The following RASGRF2 variants were observed in gnomAD, a reference collection of about 807,000 sequenced individuals.
The protein encoded by RASGRF2 is Ras protein specific guanine nucleotide releasing factor 2.
In RASGRF2, 76 loss-of-function variants were observed where a neutral mutation model predicts 151.0. The observed-to-expected ratio is 0.50, with a 90% confidence interval of 0.42 to 0.61. The LOEUF (loss-of-function observed/expected upper bound fraction) is 0.61. Among genes scored for constraint, RASGRF2 ranks in the 20% least tolerant of loss-of-function variants. RASGRF2 has a pLI of 0.00. For missense variants in RASGRF2, 1,148 were observed against 1,564.6 expected (o/e 0.73, Z 4.49); for synonymous variants, 504 against 566.5 (o/e 0.89, Z 1.57).
intron 17 of RASGRF2, among the ~76,000 whole-genome samples, chr5:81,132,129 A>G (rs937514166): frequency 1.3e-5 from 2 of 152,132 alleles, no homozygotes; most frequent in South Asian, 2.1e-4. Context: ...TTGCTTTATT[A>G]TCCATTTCTC....
At chr5:80,966,083 T>TTG (rs70994407) in intron 1 of RASGRF2, among the ~76,000 whole-genome samples, 31,969 of 149,630 alleles carry the variant, frequency 0.21, 3,305 homozygotes, top group South Asian at 0.24. Flanking sequence ...GGATATATGT[T>TTG]TGTGTGTGTG....
At chr5:81,104,981 A>G (rs1478647454) in intron 12 of RASGRF2, among the ~76,000 whole-genome samples, 1 of 152,158 alleles carries the variant, frequency 6.6e-6, no homozygotes, top group Non-Finnish European at 1.5e-5. Context: ...AACCCTGCAG[A>G]GTTTCCTGGA....
chr5:80,997,117 C>A (rs1172538682), intron 1 of RASGRF2: 15 of 152,186 alleles, frequency 9.9e-5, no homozygotes, highest in Non-Finnish European at 2.2e-4. Flanking sequence ...TTTTTATAAA[C>A]AATCATCTTT....
At chr5:81,215,768 G>C in intron 23 of RASGRF2, 108 bp from the exon 24 acceptor site, 1 of 1,306,244 alleles carries the variant, frequency 7.7e-7, no homozygotes, top group Admixed American at 3.9e-5. Flanking sequence ...TTCTGGCAAA[G>C]GTGTCAGCAC....
rs183054156 is a variant in RASGRF2 at position 81,030,362 on chromosome 5, G to A, written c.289-12515G>A. 3.0e-3 allele frequency among the ~76,000 whole-genome samples: 454 copies of A among 152,290 alleles called. 1 individual carries two copies. The highest frequency in any genetic ancestry group is 5.3e-3 in the Non-Finnish European group (362 of 68,034). On this transcript the variant is annotated intron_variant, in intron 1 of 26. Coordinates refer to ENST00000265080, the MANE Select transcript of RASGRF2 (RefSeq NM_006909.3). ...ACACATAATTACCAGATGCACCAAA[G>A]TTGAAATGAAGGAAAAAATATTGAG...
chr5:81,178,681 A>C (rs1485799779), intron 17 of RASGRF2, among the ~76,000 whole-genome samples: 1 of 152,268 alleles, frequency 6.6e-6, no homozygotes, highest in Non-Finnish European at 1.5e-5. Flanking sequence ...ATGGGATAAG[A>C]AGCTTCGAGT....
intron 2 of RASGRF2, among the ~76,000 whole-genome samples, chr5:81,059,228 CA>C (rs1414283650): frequency 5.3e-5 from 8 of 151,354 alleles, no homozygotes; most frequent in African/African-American, 1.9e-4. Flanking sequence ...CTAAAAAATA[CA>C]AAAAATTAGC....
At chr5:81,140,387 C>T (rs1373587107) in intron 17 of RASGRF2, among the ~76,000 whole-genome samples, 2 of 151,792 alleles carry the variant, frequency 1.3e-5, no homozygotes, top group Non-Finnish European at 2.9e-5. Context: ...AGTACTTTAA[C>T]AATGGTCCCA....
At chr5:81,171,084 T>C (rs1458959400) in intron 17 of RASGRF2, among the ~76,000 whole-genome samples, 2 of 152,184 alleles carry the variant, frequency 1.3e-5, no homozygotes. Context: ...CATCCTCCCT[T>C]ATTAACCATC....
At chr5:80,970,094 G>A (rs1747883020) in intron 1 of RASGRF2, among the ~76,000 whole-genome samples, 2 of 151,994 alleles carry the variant, frequency 1.3e-5, no homozygotes, top group Non-Finnish European at 1.5e-5. Flanking sequence ...CAAAGTGCTG[G>A]GATTACAGGC....
At chr5:81,212,866 C>T (rs1755656561) in intron 23 of RASGRF2, among the ~76,000 whole-genome samples, 1 of 152,126 alleles carries the variant, frequency 6.6e-6, no homozygotes, top group South Asian at 2.1e-4. Flanking sequence ...ACACTTATGT[C>T]CAGTGGGTCC....
At chr5:81,216,348 T>TACACACAC (rs10648156) in intron 24 of RASGRF2, among the ~76,000 whole-genome samples, 8,032 of 147,418 alleles carry the variant, frequency 0.054, 267 homozygotes, top group Middle Eastern at 0.08. Context: ...ATTCCCTTTC[T>TACACACAC]ACACACACAC....
At chr5:81,165,494 A>C (rs928445184) in intron 17 of RASGRF2, among the ~76,000 whole-genome samples, 3 of 152,178 alleles carry the variant, frequency 2.0e-5, no homozygotes, top group African/African-American at 7.2e-5. Context: ...GATTCTTTTC[A>C]ATTCTTGAAT....
At chr5:81,206,956 C>T in intron 20 of RASGRF2, 51 bp downstream of exon 20, 1 of 1,395,546 alleles carries the variant, frequency 7.2e-7, no homozygotes, top group Non-Finnish European at 1.0e-6. Flanking sequence ...AACTACCTCT[C>T]CAAGGCGAGC....
At chr5:80,991,064 G>A (rs1405967128) in intron 1 of RASGRF2, among the ~76,000 whole-genome samples, 1 of 152,136 alleles carries the variant, frequency 6.6e-6, no homozygotes, top group Admixed American at 6.6e-5. Flanking sequence ...TAAGTTCACT[G>A]ACAGAATATC....
At chr5:81,053,196 T>C (rs1402377836) in intron 2 of RASGRF2, among the ~76,000 whole-genome samples, 1 of 151,958 alleles carries the variant, frequency 6.6e-6, no homozygotes, top group East Asian at 1.9e-4. Context: ...TACATATGTA[T>C]ACATGTGCCA....
intron 18 of RASGRF2, among the ~76,000 whole-genome samples, chr5:81,190,386 G>C (rs370477681): frequency 6.6e-6 from 1 of 152,078 alleles, no homozygotes; most frequent in African/African-American, 2.4e-5. Context: ...GAGGTTCCTG[G>C]GTCAAAAAGG....
At position 81,073,345 on chromosome 5, in the gene RASGRF2, C is replaced by T. The variant is rs1008938450; in HGVS notation, c.780C>T (p.His260=). ...TGGAGGCAGAGTCAGAGTACGTTCA[C>T]CAGCTCTACATCCTGGTCAATGGCT... The part of the protein sequence containing the change: ...TMVEAESEYV[H]QLYILVNGFL... Residue 260 remains histidine (H), a synonymous_variant, in exon 5 of 27, where the codon CAC becomes CAT. Transcript: ENST00000265080. 11 of 1,614,066 alleles carry T rather than the reference C, an allele frequency of 6.8e-6. No individual in the cohort carries two copies. In the African/African-American group the frequency reaches 1.5e-4, roughly 22 times the overall value.
chr5:81,149,937 G>GTGGGC (rs1754096750), intron 17 of RASGRF2, among the ~76,000 whole-genome samples: 1 of 152,176 alleles, frequency 6.6e-6, no homozygotes, highest in Non-Finnish European at 1.5e-5. Context: ...GTACTGTGGG[G>GTGGGC]TGGGCGGAGG....
Sources: gnomAD v4.1 joint callset for allele counts (sites outside exome capture counted in the v4.1 genomes callset) on GRCh38, gnomAD v4.1.1 for gene constraint, MANE v1.5 for transcripts, NCBI Gene and HGNC (gene_info 2026-07-23, HGNC 2026-07-21) for gene names.